SRGAP3: variants seen among roughly 807,000 people sequenced by gnomAD.
SRGAP3 encodes SLIT-ROBO Rho GTPase activating protein 3.
SRGAP3 carries 39 observed loss-of-function variants against 121.1 expected under a neutral mutation model. That is an observed-to-expected ratio of 0.32 (90% confidence interval 0.25 to 0.42). The LOEUF (loss-of-function observed/expected upper bound fraction) is 0.42. Among genes scored for constraint, SRGAP3 ranks in the 10% least tolerant of loss-of-function variants. SRGAP3 has a pLI of 1.00. For synonymous variants in SRGAP3, 601 were observed against 570.0 expected, an observed-to-expected ratio of 1.05 and a Z score of -0.77; for missense variants, 1,213 against 1,470.6, an observed-to-expected ratio of 0.82 and a Z score of 2.86.
intron 3 of SRGAP3, among the ~76,000 whole-genome samples, chr3:9,093,787 C>T (rs1237781435): frequency 6.6e-6 from 1 of 152,200 alleles, no homozygotes; most frequent in Non-Finnish European, 1.5e-5. Flanking sequence ...CTTGTCTCTG[C>T]TCATTTCACT....
At chr3:9,270,263 C>A (rs1954447165) in intron 3 of SRGAP3, among the ~76,000 whole-genome samples, 1 of 152,180 alleles carries the variant, frequency 6.6e-6, no homozygotes, top group South Asian at 2.1e-4. Context: ...TTAGAAAAAA[C>A]ACATTAGTAG....
intron 1 of SRGAP3, among the ~76,000 whole-genome samples, chr3:9,335,857 C>T (rs187703565): frequency 2.6e-5 from 4 of 152,108 alleles, no homozygotes; most frequent in Admixed American, 6.6e-5. Flanking sequence ...GATTTTTCTT[C>T]GTTTTCTTAT....
intron 8 of SRGAP3, 41 bp from the exon 9 acceptor site, chr3:9,053,265 A>C (rs755584748): frequency 1.4e-5 from 23 of 1,588,750 alleles, no homozygotes; most frequent in Non-Finnish European, 1.9e-5. Context: ...CTGTATTCTC[A>C]TACTGCCGTT....
intron 1 of SRGAP3, among the ~76,000 whole-genome samples, chr3:9,337,412 C>G (rs1955711232): frequency 6.6e-6 from 1 of 152,140 alleles, no homozygotes; most frequent in African/African-American, 2.4e-5. Flanking sequence ...CAAATGTCCC[C>G]TCCAAAAGTC....
intron 3 of SRGAP3, among the ~76,000 whole-genome samples, chr3:9,266,196 G>C (rs1233587881): frequency 6.6e-6 from 1 of 152,080 alleles, no homozygotes; most frequent in Non-Finnish European, 1.5e-5. Flanking sequence ...CACAGGGAGA[G>C]GAACATCACA....
Position 8,990,708 on chromosome 3 carries a change from T to TG in SRGAP3, c.2689dup (p.His897ProfsTer14). 6.2e-7 allele frequency: 1 copy of TG among 1,612,126 alleles called. No homozygotes were observed. The highest frequency in any genetic ancestry group is 8.5e-7 in the Non-Finnish European group (1 of 1,179,578). ...CCTCCCCCGGGTGAGGGGGATTTTG[T>TG]GGGGGCTGCTGGGGCAGGCAGCAGC... On this transcript the variant is annotated frameshift_variant, in exon 21 of 22. Coordinates refer to ENST00000383836, the MANE Select transcript of SRGAP3 (RefSeq NM_014850.4). LOFTEE classifies it high-confidence loss of function.
intron 1 of SRGAP3, among the ~76,000 whole-genome samples, chr3:9,222,925 A>G (rs1952861188): frequency 6.6e-6 from 1 of 152,252 alleles, no homozygotes; most frequent in African/African-American, 2.4e-5. Context: ...TCTCTGTGAT[A>G]GCACTTAACA....
At chr3:9,026,225 T>C (rs1261141685) in intron 13 of SRGAP3, among the ~76,000 whole-genome samples, 1 of 152,194 alleles carries the variant, frequency 6.6e-6, no homozygotes, top group Non-Finnish European at 1.5e-5. Context: ...AAGCACCTCC[T>C]CTCCTTTCCA....
At chr3:9,084,580 C>T (rs187828562) in intron 3 of SRGAP3, among the ~76,000 whole-genome samples, 62 of 152,304 alleles carry the variant, frequency 4.1e-4, no homozygotes, top group African/African-American at 1.4e-3. Context: ...ACTTCTGTAG[C>T]TTTATTGATC....
chr3:9,229,334 G>A (rs1010342144), intron 1 of SRGAP3, among the ~76,000 whole-genome samples: 5 of 152,098 alleles, frequency 3.3e-5, no homozygotes, highest in East Asian at 1.9e-4. Flanking sequence ...AGGAGCAGTC[G>A]TCTAGCTGGT....
At chr3:9,223,011 G>A (rs1358117815) in intron 1 of SRGAP3, among the ~76,000 whole-genome samples, 2 of 152,218 alleles carry the variant, frequency 1.3e-5, no homozygotes, top group Non-Finnish European at 1.5e-5. Flanking sequence ...ACCAGTGCTA[G>A]GGGCTGAGAG....
chr3:9,024,535 T>G (rs1179899533), intron 14 of SRGAP3, among the ~76,000 whole-genome samples: 1 of 152,186 alleles, frequency 6.6e-6, no homozygotes. Context: ...GCTTGGACAC[T>G]GTCACTGGCC....
chr3:9,296,839 G>C (rs979310310), intron 3 of SRGAP3, among the ~76,000 whole-genome samples: 2 of 152,104 alleles, frequency 1.3e-5, no homozygotes, highest in Non-Finnish European at 2.9e-5. Flanking sequence ...CCCTATTATG[G>C]AACCATATCC....
chr3:9,353,960 G>A (rs2030342975), intron 1 of SRGAP3, among the ~76,000 whole-genome samples: 1 of 152,152 alleles, frequency 6.6e-6, no homozygotes, highest in South Asian at 2.1e-4. Context: ...TAAAGGCCAG[G>A]AGTGCCAATG....
At chr3:9,231,786 G>C (rs946715892) in intron 1 of SRGAP3, among the ~76,000 whole-genome samples, 1 of 152,186 alleles carries the variant, frequency 6.6e-6, no homozygotes, top group Non-Finnish European at 1.5e-5. Flanking sequence ...CGCAGCACTC[G>C]AGAGTTTACT....
At chr3:9,138,741 C>T (rs1041307293) in intron 1 of SRGAP3, among the ~76,000 whole-genome samples, 1 of 152,132 alleles carries the variant, frequency 6.6e-6, no homozygotes, top group African/African-American at 2.4e-5. Context: ...ATACACAACG[C>T]ACAGTTTATT....
At chr3:9,065,313 G>C (rs2125213026) in intron 4 of SRGAP3, 1 of 152,318 alleles carries the variant, frequency 6.6e-6, no homozygotes, top group South Asian at 2.1e-4. Context: ...TTCTGAGCCA[G>C]AAGAAATTCT....
chr3:9,130,764 G>C (rs147711079), intron 1 of SRGAP3, among the ~76,000 whole-genome samples: 249 of 152,318 alleles, frequency 1.6e-3, no homozygotes, highest in African/African-American at 5.8e-3. Flanking sequence ...GTGATCTAAA[G>C]AGATATTATT....
At chr3:9,076,621 C>G (rs770351886) in intron 4 of SRGAP3, among the ~76,000 whole-genome samples, 1 of 152,180 alleles carries the variant, frequency 6.6e-6, no homozygotes, top group African/African-American at 2.4e-5. Flanking sequence ...TTAATTCCTA[C>G]CCATCCAAAG....
Sources: allele counts gnomAD v4.1 joint callset (sites outside exome capture counted in the v4.1 genomes callset), GRCh38; gene constraint gnomAD v4.1.1; transcripts MANE v1.5; gene names NCBI Gene and HGNC (gene_info 2026-07-23, HGNC 2026-07-21).